The following SH3BGRL variants were observed in gnomAD, a reference collection of about 807,000 sequenced individuals.
SH3BGRL encodes SH3 domain binding glutamate rich protein like.
SH3BGRL carries 7 observed loss-of-function variants against 9.8 expected under a neutral mutation model. That is an observed-to-expected ratio of 0.72 (90% confidence interval 0.41 to 1.35). SH3BGRL has a LOEUF of 1.35. Ranked by LOEUF, SH3BGRL falls within the 40% of genes most tolerant of loss-of-function variation. The pLI, the probability that SH3BGRL is intolerant of heterozygous loss-of-function variation, is 0.01. For synonymous variants in SH3BGRL, 36 were observed against 29.1 expected (o/e 1.24, Z -0.76); for missense variants, 73 against 84.4 (o/e 0.86, Z 0.53).
At chrX:81,286,451 A>G (rs929969090) in intron 3 of SH3BGRL, among the ~76,000 whole-genome samples, 12 of 99,513 alleles carry the variant, frequency 1.2e-4, no homozygotes, top group African/African-American at 4.5e-4. Flanking sequence ...TCCAAGAGAG[A>G]CTGCATGTTC....
chrX:81,204,045 C>T (rs991587018), intron 1 of SH3BGRL, among the ~76,000 whole-genome samples: 1 of 111,626 alleles, frequency 9.0e-6, no homozygotes, highest in Non-Finnish European at 1.9e-5. Flanking sequence ...CTTCCTCCCT[C>T]CCTCCTCTGT....
At chrX:81,257,208 C>A (rs2075727925) in intron 1 of SH3BGRL, among the ~76,000 whole-genome samples, 1 of 111,435 alleles carries the variant, frequency 9.0e-6, no homozygotes, top group Admixed American at 9.6e-5. Flanking sequence ...ATATAATTTT[C>A]TGTGCAACGA....
At chrX:81,242,603 G>A (rs891183028) in intron 1 of SH3BGRL, among the ~76,000 whole-genome samples, 9 of 111,616 alleles carry the variant, frequency 8.1e-5, no homozygotes, top group Admixed American at 7.6e-4. Flanking sequence ...CTTCTGCACA[G>A]CAAGGGAACA....
chrX:81,276,199 T>C (rs1009612719), intron 1 of SH3BGRL, among the ~76,000 whole-genome samples: 7 of 109,899 alleles, frequency 6.4e-5, no homozygotes, highest in Non-Finnish European at 1.3e-4. Context: ...ATAGTATTAA[T>C]TTTACTGTTT....
intron 1 of SH3BGRL, among the ~76,000 whole-genome samples, chrX:81,227,502 G>A (rs2075620883): frequency 9.0e-6 from 1 of 111,644 alleles, no homozygotes; most frequent in Non-Finnish European, 1.9e-5. Context: ...TGCGAAGAAT[G>A]TGCAAAAATT....
intron 1 of SH3BGRL, among the ~76,000 whole-genome samples, chrX:81,261,614 A>G (rs1455069663): frequency 3.6e-5 from 4 of 111,367 alleles, no homozygotes. Flanking sequence ...CTATCTCTTT[A>G]CCATAGGATA....
chrX:81,250,182 C>T lies in SH3BGRL; in HGVS notation c.46-26802C>T, dbSNP rs1441340105. On this transcript the variant is annotated intron_variant, in intron 1 of 3. Coordinates refer to ENST00000373212, the MANE Select transcript of SH3BGRL (RefSeq NM_003022.3). The stretch of plus-strand genomic sequence containing the variant: ...TTGGGAGGCCGAGGTGGGTGGATCA[C>T]GAGGTCAGGAGATCAAGACCATCCT... Among the ~76,000 whole-genome samples the T allele has an allele frequency of 2.8e-5, 3 of 108,839 alleles. No individual in the cohort carries two copies. In the South Asian group the frequency reaches 1.2e-3, roughly 43 times the overall value. 94.5% of individuals were successfully genotyped at this position (108,839 alleles called of 115,157 possible). A position where few individuals can be genotyped will look rare whatever the true frequency, so the allele number is the denominator to read the frequency against.
intron 3 of SH3BGRL, among the ~76,000 whole-genome samples, chrX:81,278,800 G>A (rs11795539): frequency 4.6e-4 from 52 of 112,068 alleles, no homozygotes; most frequent in Non-Finnish European, 9.2e-4. Context: ...CTTTGTGTGA[G>A]AGCAAATGAT....
At chrX:81,238,029 C>A (rs1454729850) in intron 1 of SH3BGRL, among the ~76,000 whole-genome samples, 3 of 109,319 alleles carry the variant, frequency 2.7e-5, no homozygotes, top group African/African-American at 1.0e-4. Context: ...AGGACCCAAT[C>A]TTGGCAGCAT....
chrX:81,214,321 G>A (rs1382553794), intron 1 of SH3BGRL, among the ~76,000 whole-genome samples: 2 of 111,628 alleles, frequency 1.8e-5, no homozygotes, highest in Non-Finnish European at 3.8e-5. Flanking sequence ...TAATGAGGAA[G>A]AGATGAGTAT....
At chrX:81,237,548 C>T (rs1408093400) in intron 1 of SH3BGRL, among the ~76,000 whole-genome samples, 2 of 111,263 alleles carry the variant, frequency 1.8e-5, no homozygotes, top group Admixed American at 1.9e-4. Context: ...TTAAAGTAGC[C>T]CCAGCCAGAA....
intron 1 of SH3BGRL, among the ~76,000 whole-genome samples, chrX:81,249,494 C>T (rs2075702339): frequency 8.9e-6 from 1 of 112,524 alleles, no homozygotes; most frequent in Admixed American, 9.4e-5. Flanking sequence ...ATAACATACA[C>T]ATTTTACTAG....
intron 1 of SH3BGRL, among the ~76,000 whole-genome samples, chrX:81,262,964 A>C (rs2075745629): frequency 1.8e-5 from 2 of 111,719 alleles, no homozygotes; most frequent in Admixed American, 9.5e-5. Context: ...TAGCCTATCA[A>C]CTAACTGAAG....
chrX:81,256,816 C>T (rs1306283882), intron 1 of SH3BGRL, among the ~76,000 whole-genome samples: 1 of 111,849 alleles, frequency 8.9e-6, no homozygotes, highest in Non-Finnish European at 1.9e-5. Flanking sequence ...TGTGCAGATA[C>T]AGTTTTCTTA....
chrX:81,298,286 T>C lies in SH3BGRL; in HGVS notation c.*1059T>C, dbSNP rs1303181425. On this transcript the variant is annotated 3_prime_UTR_variant, in exon 4 of 4. Transcript: ENST00000373212. Reference sequence around the variant, plus strand: ...AAGTATCAAATAAAAAGGGCAACTTTTAAAATATTAAGCCTGAAGACTTCT... The same window carrying C: ...AAGTATCAAATAAAAAGGGCAACTTCTAAAATATTAAGCCTGAAGACTTCT... 9.0e-6 allele frequency: 1 copy of C among 111,466 alleles called. No homozygotes were observed. Among genetic ancestry groups the C allele is most frequent in the African/African-American group, 3.2e-5 (1 of 30,792 alleles). 9.2% of individuals were successfully genotyped at this position (111,466 alleles called of 1,213,427 possible).
In SH3BGRL at chrX:81,202,253, G is replaced by A; in HGVS notation, c.45+8G>A. On this transcript the variant is annotated splice_region_variant and intron_variant, in intron 1 of 3. Coordinates refer to ENST00000373212, the MANE Select transcript of SH3BGRL (RefSeq NM_003022.3). ...TCCTCTGGCTCTACAGCGGTAAGGA[G>A]AGTGGGGAGTCCACCTTTGTTGTTT... 1.7e-6 allele frequency: 2 copies of A among 1,198,623 alleles called. No homozygotes were observed. The highest frequency in any genetic ancestry group is 1.7e-5 in the African/African-American group (1 of 57,227).
chrX:81,238,398 G>A (rs1375203222), intron 1 of SH3BGRL, among the ~76,000 whole-genome samples: 1 of 112,468 alleles, frequency 8.9e-6, no homozygotes, highest in African/African-American at 3.2e-5. Context: ...ACGGGGTGAG[G>A]CACCTCTGCC....
intron 1 of SH3BGRL, among the ~76,000 whole-genome samples, chrX:81,258,425 A>T (rs1447615373): frequency 8.9e-6 from 1 of 112,342 alleles, no homozygotes; most frequent in Non-Finnish European, 1.9e-5. Context: ...AAATTACTGG[A>T]TCAAATAACA....
At chrX:81,208,943 A>C (rs1210297198) in intron 1 of SH3BGRL, among the ~76,000 whole-genome samples, 2 of 110,448 alleles carry the variant, frequency 1.8e-5, no homozygotes, top group South Asian at 3.8e-4. Flanking sequence ...CTGTATATTT[A>C]AGTGTTCAAT....
Sources: gnomAD v4.1 joint callset for allele counts (sites outside exome capture counted in the v4.1 genomes callset) on GRCh38, gnomAD v4.1.1 for gene constraint, MANE v1.5 for transcripts, NCBI Gene and HGNC (gene_info 2026-07-23, HGNC 2026-07-21) for gene names.